The following ZNF438 variants were observed in gnomAD, a reference collection of about 807,000 sequenced individuals.
ZNF438 encodes zinc finger protein 438.
A neutral mutation model predicts 38.0 loss-of-function variants in ZNF438; 25 were observed. The ratio of observed to expected loss-of-function variants is 0.66; its 90% confidence interval spans 0.48 to 0.92. The LOEUF (loss-of-function observed/expected upper bound fraction) is 0.92. ZNF438 is among the 40% of genes least tolerant of loss of function. The pLI is 0.00. For synonymous variants in ZNF438, 372 were observed against 364.1 expected, an observed-to-expected ratio of 1.02 and a Z score of -0.25; for missense variants, 1,007 against 999.6, an observed-to-expected ratio of 1.01 and a Z score of -0.10.
intron 3 of ZNF438, among the ~76,000 whole-genome samples, chr10:30,900,944 A>G (rs748950404): frequency 2.8e-4 from 42 of 152,312 alleles, no homozygotes; most frequent in Non-Finnish European, 5.4e-4. Flanking sequence ...AGGAGAACAA[A>G]TGTTAGTAAA....
exon 5 of ZNF438, chr10:30,848,738 A>C (rs989217713): frequency 1.2e-6 from 2 of 1,614,210 alleles, no homozygotes; most frequent in African/African-American, 2.7e-5. Flanking sequence ...ACCATGATGA[A>C]GTTTCATGTG....
At chr10:30,975,647 C>T (rs1285510568) in intron 1 of ZNF438, among the ~76,000 whole-genome samples, 1 of 152,160 alleles carries the variant, frequency 6.6e-6, no homozygotes, top group South Asian at 2.1e-4. Context: ...CTTCTTTTCT[C>T]CTAGTCTAAT....
intron 2 of ZNF438, among the ~76,000 whole-genome samples, chr10:30,915,663 A>T (rs938370450): frequency 6.6e-6 from 1 of 152,080 alleles, no homozygotes; most frequent in Non-Finnish European, 1.5e-5. Context: ...AATATCTTGA[A>T]AATGTTTAGG....
chr10:30,984,227 T>C (rs1437652702), intron 1 of ZNF438, 142 bp downstream of exon 2: 4 of 152,206 alleles, frequency 2.6e-5, no homozygotes, highest in Admixed American at 6.5e-5. Flanking sequence ...GTAAATGTGA[T>C]ATTTCTACAA....
At chr10:30,845,460 T>C in exon 6 of ZNF438, 6 of 1,614,178 alleles carry the variant, frequency 3.7e-6, no homozygotes, top group Non-Finnish European at 5.1e-6. Context: ...TAAATGAAAT[T>C]TTATTTCCGC....
chr10:30,890,558 A>G (rs1482773260), intron 3 of ZNF438, among the ~76,000 whole-genome samples: 2 of 152,192 alleles, frequency 1.3e-5, no homozygotes, highest in Non-Finnish European at 1.5e-5. Flanking sequence ...TTACTGCCTT[A>G]GGTCAGGTCC....
chr10:30,952,229 A>T (rs1459244226), intron 1 of ZNF438, among the ~76,000 whole-genome samples: 1 of 150,588 alleles, frequency 6.6e-6, no homozygotes, highest in Non-Finnish European at 1.5e-5. Flanking sequence ...TCCCTTCCTT[A>T]CACCTTATAC....
At chr10:30,926,918 T>C (rs1336759246) in intron 2 of ZNF438, among the ~76,000 whole-genome samples, 1 of 152,062 alleles carries the variant, frequency 6.6e-6, no homozygotes, top group Non-Finnish European at 1.5e-5. Flanking sequence ...TCAAGTTAAG[T>C]AGGTTAATTT....
At chr10:30,954,626 A>G (rs1290687660) in intron 1 of ZNF438, among the ~76,000 whole-genome samples, 1 of 152,200 alleles carries the variant, frequency 6.6e-6, no homozygotes, top group African/African-American at 2.4e-5. Flanking sequence ...AAAAGCTCAT[A>G]GGAATATTAT....
rs112445542 is a variant in ZNF438, at chr10:30,999,097, GA to G, written c.-192+32735del. Among the ~76,000 whole-genome samples, 1,142 of 144,806 alleles carry G rather than the reference GA, an allele frequency of 7.9e-3. 15 individuals are homozygous for G. The highest frequency in any genetic ancestry group is 0.026 in the African/African-American group (1,030 of 39,808). The allele number at this position is 144,806 out of a possible 152,430, so 95.0% of individuals were successfully genotyped here. On this transcript the variant is annotated intron_variant, in intron 1 of 5. Coordinates refer to ENST00000413025, the Ensembl canonical transcript of ZNF438. ...CTCTTATCCAAGCGGTTCCCAAATG[GA>G]AAAAAAAAAATCTGAAAGTTAAATT...
At position 30,951,348 on chromosome 10, in the gene ZNF438, A is replaced by T. The variant is rs1313780944; in HGVS notation, c.-191-9697T>A. On this transcript the variant is annotated intron_variant, in intron 1 of 5. Coordinates refer to ENST00000413025, the Ensembl canonical transcript of ZNF438. ...CTTTGAAAACTGGCACAAGACAGGG[A>T]TGCCCTCTCTCACCACTCCTATTCA... is the stretch of plus-strand genomic sequence containing the variant. Among the ~76,000 whole-genome samples, 5 of 149,388 alleles carry T rather than the reference A, an allele frequency of 3.3e-5. 1 individual carries two copies. Among genetic ancestry groups the T allele is most frequent in the African/African-American group, 1.2e-4 (5 of 40,954 alleles).
At chr10:30,970,681 C>A (rs2050644371) in intron 1 of ZNF438, among the ~76,000 whole-genome samples, 1 of 152,144 alleles carries the variant, frequency 6.6e-6, no homozygotes, top group Non-Finnish European at 1.5e-5. Flanking sequence ...CATAAAAATT[C>A]TTGGAGTTCC....
At chr10:30,855,203 C>G (rs903684867) in intron 4 of ZNF438, among the ~76,000 whole-genome samples, 1 of 152,188 alleles carries the variant, frequency 6.6e-6, no homozygotes, top group East Asian at 1.9e-4. Flanking sequence ...CTGGGAACAA[C>G]AGGACACTCC....
At chr10:30,933,097 C>T (rs974026527) in intron 2 of ZNF438, among the ~76,000 whole-genome samples, 1 of 152,134 alleles carries the variant, frequency 6.6e-6, no homozygotes, top group African/African-American at 2.4e-5. Flanking sequence ...TTATGTAGTC[C>T]TAGAAAATTA....
chr10:31,021,908 G>C (rs2056622316), intron 1 of ZNF438, among the ~76,000 whole-genome samples: 1 of 151,120 alleles, frequency 6.6e-6, no homozygotes, highest in Admixed American at 6.6e-5. Flanking sequence ...TTACAGCTAA[G>C]TGAGAAGCTG....
intron 1 of ZNF438, among the ~76,000 whole-genome samples, chr10:30,961,406 C>T (rs2049476035): frequency 6.8e-6 from 1 of 146,556 alleles, no homozygotes; most frequent in African/African-American, 2.4e-5. Context: ...GGCGATCCTT[C>T]CGCCCCAGCC....
intron 1 of ZNF438, among the ~76,000 whole-genome samples, chr10:30,956,099 T>G (rs1246504621): frequency 6.6e-6 from 1 of 152,234 alleles, no homozygotes; most frequent in Non-Finnish European, 1.5e-5. Flanking sequence ...GGATTCATGC[T>G]CAGGCTCTCC....
chr10:30,993,151 C>G (rs1043375899), intron 1 of ZNF438, among the ~76,000 whole-genome samples: 3 of 152,220 alleles, frequency 2.0e-5, no homozygotes, highest in Non-Finnish European at 4.4e-5. Context: ...TGTGGCCTAG[C>G]AACCATTTGC....
chr10:30,895,673 C>A (rs140423666), intron 3 of ZNF438, among the ~76,000 whole-genome samples: 1 of 152,222 alleles, frequency 6.6e-6, no homozygotes, highest in African/African-American at 2.4e-5. Context: ...ACCCAAATAA[C>A]CCAACTTAAA....
Sources: allele counts gnomAD v4.1 joint callset (sites outside exome capture counted in the v4.1 genomes callset), GRCh38; gene constraint gnomAD v4.1.1; transcripts MANE v1.5; gene names NCBI Gene and HGNC (gene_info 2026-07-23, HGNC 2026-07-21).